The following PHF24 variants were observed in gnomAD, a reference collection of about 807,000 sequenced individuals.
The protein encoded by PHF24 is PHD finger protein 24, also known as Galpha inhibitory interacting protein.
PHF24 carries 25 observed loss-of-function variants against 42.6 expected under a neutral mutation model. The ratio of observed to expected loss-of-function variants is 0.59; its 90% CI spans 0.43 to 0.82. The LOEUF is 0.82. Ranked by LOEUF, PHF24 falls within the 40% of genes least tolerant of loss-of-function variation. The pLI is 0.00. For synonymous variants in PHF24, 185 were observed against 204.8 expected (o/e 0.90, Z 0.83); for missense variants, 470 against 538.1 (o/e 0.87, Z 1.25).
the PHF24 span, among the ~76,000 whole-genome samples, chr9:34,839,826 A>T: frequency 6.6e-6 from 1 of 152,234 alleles, no homozygotes; most frequent in Non-Finnish European, 1.5e-5. Context: ...TTGATGTATT[A>T]CTGAGGTTCA....
At chr9:34,709,317 C>T in the PHF24 span, 1 of 1,560,522 alleles carries the variant, frequency 6.4e-7, no homozygotes, top group Non-Finnish European at 8.7e-7. Flanking sequence ...GCATAGCCTC[C>T]TTCTTGCATC....
chr9:34,973,947 G>A (rs1422451111), intron 3 of PHF24, among the ~76,000 whole-genome samples: 1 of 152,122 alleles, frequency 6.6e-6, no homozygotes, highest in Non-Finnish European at 1.5e-5. Context: ...TTTTTACAGA[G>A]CCTCCTTCCA....
At chr9:34,871,077 G>T in the PHF24 span, among the ~76,000 whole-genome samples, 5 of 152,216 alleles carry the variant, frequency 3.3e-5, no homozygotes, top group African/African-American at 1.2e-4. Context: ...GAACGAGAGT[G>T]CCTGTTGCTT....
chr9:34,917,934 A>G, the PHF24 span: 1 of 1,585,986 alleles, frequency 6.3e-7, no homozygotes, highest in South Asian at 1.1e-5. Flanking sequence ...AGGCTGCCAT[A>G]CCAACTTTAG....
the PHF24 span, among the ~76,000 whole-genome samples, chr9:34,920,895 G>A: frequency 6.6e-6 from 1 of 152,052 alleles, no homozygotes; most frequent in Non-Finnish European, 1.5e-5. Context: ...TAATAGTTTT[G>A]TAGTGAAATC....
upstream of PHF24, among the ~76,000 whole-genome samples, chr9:34,954,038 G>A (rs545481183): frequency 2.0e-5 from 3 of 152,172 alleles, no homozygotes; most frequent in East Asian, 1.9e-4. Flanking sequence ...AGATGGGCAC[G>A]GTGTCTCACA....
the PHF24 span, among the ~76,000 whole-genome samples, chr9:34,887,736 T>A: frequency 3.9e-5 from 6 of 152,200 alleles, no homozygotes; most frequent in African/African-American, 1.4e-4. Flanking sequence ...TTTGCATATA[T>A]CTGGTCACCT....
At chr9:34,833,299 G>T in the PHF24 span, 5 of 1,551,446 alleles carry the variant, frequency 3.2e-6, no homozygotes, top group Admixed American at 9.8e-5. Context: ...CCTCTGTCAT[G>T]TCCCCACTGG....
At chr9:34,749,222 C>A in the PHF24 span, among the ~76,000 whole-genome samples, 1 of 151,846 alleles carries the variant, frequency 6.6e-6, no homozygotes, top group Non-Finnish European at 1.5e-5. Flanking sequence ...CTAGAAAATA[C>A]CCTCAAAAGG....
intron 1 of PHF24, among the ~76,000 whole-genome samples, chr9:34,966,334 C>T (rs1360015602): frequency 6.6e-6 from 1 of 152,154 alleles, no homozygotes; most frequent in Non-Finnish European, 1.5e-5. Context: ...AACCTATAAT[C>T]CTAGCTACTT....
the PHF24 span, among the ~76,000 whole-genome samples, chr9:34,795,020 A>AGCC: frequency 6.6e-6 from 1 of 152,170 alleles, no homozygotes; most frequent in Admixed American, 6.5e-5. Context: ...ATTTATGCTC[A>AGCC]GCCACATAAT....
chr9:34,892,818 C>G, the PHF24 span: 1 of 676,236 alleles, frequency 1.5e-6, no homozygotes, highest in Non-Finnish European at 2.7e-6. Context: ...GCCCAGGAAT[C>G]TTGGACGCTG....
intron 1 of PHF24, among the ~76,000 whole-genome samples, chr9:34,965,122 G>A (rs531457868): frequency 2.0e-5 from 3 of 152,244 alleles, no homozygotes; most frequent in Admixed American, 6.5e-5. Flanking sequence ...TTTTTACCTG[G>A]CACCAATCAC....
chr9:34,766,287 G>T, the PHF24 span, among the ~76,000 whole-genome samples: 1 of 152,186 alleles, frequency 6.6e-6, no homozygotes, highest in East Asian at 1.9e-4. Flanking sequence ...ATAATATCTT[G>T]CAGAGTGTTT....
chr9:34,729,216 G>A, the PHF24 span: 1 of 1,485,690 alleles, frequency 6.7e-7, no homozygotes, highest in Non-Finnish European at 9.0e-7. Flanking sequence ...GATTATAAGG[G>A]AGCACGGTAA....
rs1827246534 is a variant in PHF24, at chr9:34,977,625, A to G, written c.1090A>G (p.Thr364Ala). 6.2e-6 allele frequency: 10 copies of G among 1,600,932 alleles called. No homozygotes were observed. The highest frequency in any genetic ancestry group is 7.7e-6 in the Non-Finnish European group (9 of 1,172,950). Reference sequence around the variant, plus strand: ...GAGTCAGGACAAGACCCTGCTGCCCACAGAGCAGGAGTCCAGGTGAGTAGG... The same window carrying G: ...GAGTCAGGACAAGACCCTGCTGCCCGCAGAGCAGGAGTCCAGGTGAGTAGG... The change falls in exon 7 of 8, where the codon ACA becomes GCA. Residue 364 changes from threonine to alanine, a missense_variant. Physicochemically the swap from Thr to Ala is moderately conservative, Grantham distance 58. Coordinates refer to ENST00000242315, the Ensembl canonical transcript of PHF24.
the PHF24 span, chr9:34,666,030 G>T: frequency 3.2e-6 from 1 of 315,580 alleles, no homozygotes; most frequent in South Asian, 3.8e-5. Flanking sequence ...GCCCTCCCTG[G>T]CTCCACCCCG....
chr9:34,709,399 G>A, the PHF24 span: 3 of 1,608,104 alleles, frequency 1.9e-6, no homozygotes, highest in Non-Finnish European at 2.5e-6. Context: ...CTGGGCTATG[G>A]CCCTTTAGGG....
At chr9:34,665,964 G>A in the PHF24 span, 1 of 486,462 alleles carries the variant, frequency 2.1e-6, no homozygotes, top group Non-Finnish European at 3.7e-6. Flanking sequence ...AGGATTTTCA[G>A]GGGCTGGGGT....
Sources: gnomAD v4.1 joint callset for allele counts (sites outside exome capture counted in the v4.1 genomes callset) on GRCh38, gnomAD v4.1.1 for gene constraint, MANE v1.5 for transcripts, NCBI Gene and HGNC (gene_info 2026-07-23, HGNC 2026-07-21) for gene names.